The following SPTBN1 variants were observed in gnomAD, a reference collection of about 807,000 sequenced individuals.
SPTBN1 encodes the protein spectrin beta chain, non-erythrocytic 1.
A neutral mutation model predicts 266.4 loss-of-function variants in SPTBN1; 32 were observed. The observed-to-expected ratio is 0.12, with a 90% CI of 0.09 to 0.16. SPTBN1 has a LOEUF of 0.16. Among genes scored for constraint, SPTBN1 ranks in the 10% least tolerant of loss-of-function variants. The pLI is 1.00. For missense variants in SPTBN1, 2,296 were observed against 3,067.1 expected, an observed-to-expected ratio of 0.75 and a Z score of 5.94; for synonymous variants, 1,336 against 1,162.2, an observed-to-expected ratio of 1.15 and a Z score of -3.04.
At chr2:54,579,590 A>G (rs1022310176) in intron 2 of SPTBN1, among the ~76,000 whole-genome samples, 9 of 152,194 alleles carry the variant, frequency 5.9e-5, no homozygotes, top group African/African-American at 1.9e-4. Flanking sequence ...TTGGCATATT[A>G]AGGGAGCCCA....
At position 54,649,675 on chromosome 2, in the gene SPTBN1, G is replaced by T; in HGVS notation, c.5263G>T (p.Val1755Leu). ...CACCGGGAACATTGGGCAGGAGCGCGTGGACACGGTCAATCACCTGGCAGA... is the reference window on the plus strand; with the variant it reads ...CACCGGGAACATTGGGCAGGAGCGCTTGGACACGGTCAATCACCTGGCAGA... ...RDTGNIGQER[V>L]DTVNHLADEL... Residue 1755 changes from valine to leucine, a missense_variant, in exon 26 of 36, where the codon GTG (valine) becomes TTG (leucine). Physicochemically the swap from Val to Leu is conservative, Grantham distance 32 (BLOSUM62 1). Transcript: ENST00000356805. This position sits in a 1 kb window ranked among gnomAD's most constrained non-coding sequence, Gnocchi z 6.7. 2.5e-6 allele frequency: 4 copies of T among 1,613,984 alleles called. No homozygotes were observed. The highest frequency in any genetic ancestry group is 3.4e-6 in the Non-Finnish European group (4 of 1,179,876).
intron 1 of SPTBN1, among the ~76,000 whole-genome samples, chr2:54,482,635 T>C (rs1232559257): frequency 1.3e-5 from 2 of 152,230 alleles, no homozygotes; most frequent in Non-Finnish European, 2.9e-5. Flanking sequence ...TGAAACTTCA[T>C]TTCCTCAGTC....
chr2:54,636,275 TAAA>T (rs1231149038), intron 17 of SPTBN1, among the ~76,000 whole-genome samples: 3 of 152,198 alleles, frequency 2.0e-5, no homozygotes, highest in Non-Finnish European at 4.4e-5. Flanking sequence ...TTAAAAAAAT[TAAA>T]AAGGCATTAT....
At chr2:54,486,070 GC>G (rs1379435882) in intron 1 of SPTBN1, among the ~76,000 whole-genome samples, 6 of 150,780 alleles carry the variant, frequency 4.0e-5, no homozygotes, top group Admixed American at 6.6e-5. Flanking sequence ...CCTCTGCCCG[GC>G]CAGCCACCCT....
rs998109403 is a variant in SPTBN1, at chr2:54,626,980, C to A, written c.1644+746C>A. 6.6e-6 allele frequency among the ~76,000 whole-genome samples: 1 copy of A among 151,272 alleles called. No individual in the cohort carries two copies. Among genetic ancestry groups the A allele is most frequent in the African/African-American group, 2.4e-5 (1 of 41,364 alleles). On this transcript the variant is annotated intron_variant, in intron 12 of 35. Transcript: ENST00000356805. The surrounding 1 kb of genome is among the most constrained non-coding windows in gnomAD (Gnocchi z 4.7). The stretch of plus-strand genomic sequence containing the variant: ...TGCTCAGCCATGCCAAGCAGTTCTC[C>A]AGCTGGGAGGCCTTTAGCCTTGTAG...
intron 1 of SPTBN1, among the ~76,000 whole-genome samples, chr2:54,485,446 G>A (rs1668311477): frequency 2.0e-5 from 3 of 152,248 alleles, no homozygotes; most frequent in Non-Finnish European, 4.4e-5. Context: ...GCCAGCCTCG[G>A]CCTCCCAAGG....
chr2:54,467,385 A>G (rs1558750494), intron 1 of SPTBN1, among the ~76,000 whole-genome samples: 1 of 152,210 alleles, frequency 6.6e-6, no homozygotes, highest in African/African-American at 2.4e-5. Context: ...CTGTAAACAT[A>G]GGAGTACTTT....
At chr2:54,548,122 A>G in intron 2 of SPTBN1, among the ~76,000 whole-genome samples, 1 of 152,220 alleles carries the variant, frequency 6.6e-6, no homozygotes, top group Non-Finnish European at 1.5e-5. Context: ...CAGCCAGGGC[A>G]ACAGAGCGAG....
chr2:54,598,933 T>G (rs997906772), intron 2 of SPTBN1, among the ~76,000 whole-genome samples, 159 bp from the exon 3 acceptor site: 4 of 152,216 alleles, frequency 2.6e-5, no homozygotes, highest in Non-Finnish European at 4.4e-5. Flanking sequence ...GTGTTCTTTC[T>G]CAAAGACATG....
At chr2:54,478,631 T>A (rs918090768) in intron 1 of SPTBN1, among the ~76,000 whole-genome samples, 7 of 152,216 alleles carry the variant, frequency 4.6e-5, no homozygotes, top group Admixed American at 3.9e-4. Flanking sequence ...TTAACAGATA[T>A]GTGGAAGTAC....
chr2:54,652,127 G>C (rs1376995265), intron 26 of SPTBN1, among the ~76,000 whole-genome samples: 3 of 152,136 alleles, frequency 2.0e-5, no homozygotes, highest in Non-Finnish European at 2.9e-5. Context: ...ATCAGTACGT[G>C]ATGATTGTGT....
chr2:54,657,696 A>G, intron 29 of SPTBN1, 154 bp from the exon 30 acceptor site: 6 of 848,270 alleles, frequency 7.1e-6, no homozygotes, highest in South Asian at 3.6e-5. Flanking sequence ...TGTGGCTCAC[A>G]TTACATTTAC....
At chr2:54,576,915 A>G (rs144150330) in intron 2 of SPTBN1, among the ~76,000 whole-genome samples, 27 of 152,280 alleles carry the variant, frequency 1.8e-4, no homozygotes, top group Non-Finnish European at 3.2e-4. Flanking sequence ...AGGAATTGAC[A>G]TTGATTGCAA....
intron 1 of SPTBN1, among the ~76,000 whole-genome samples, chr2:54,488,413 C>T (rs1183314765): frequency 1.3e-5 from 2 of 152,194 alleles, no homozygotes; most frequent in African/African-American, 2.4e-5. Flanking sequence ...ATGTCTGACT[C>T]ATACTGTAGT....
At chr2:54,576,180 C>T (rs1674465200) in intron 2 of SPTBN1, among the ~76,000 whole-genome samples, 1 of 151,052 alleles carries the variant, frequency 6.6e-6, no homozygotes, top group African/African-American at 2.4e-5. Context: ...TCAGCCTCCC[C>T]AGTAGCTGGG....
chr2:54,661,966 T>G (rs959059145), intron 32 of SPTBN1: 1 of 985,320 alleles, frequency 1.0e-6, no homozygotes, highest in East Asian at 1.1e-4. Context: ...GAAAAAGTAT[T>G]TTTATTGTTT....
rs145093944 is a variant in SPTBN1, at chr2:54,500,478, T to G, written c.-47-25894T>G. Among the ~76,000 whole-genome samples, 280 of 152,302 alleles carry G rather than the reference T, an allele frequency of 1.8e-3. 4 individuals carry two copies. In the South Asian group the frequency reaches 0.028, roughly 15 times the overall value. ...TATTGGTATTTGAGGTTTCTAAAGTTTTTTGTTTAAGCTAGAAAGAGCTCT... is the reference window on the plus strand; with the variant it reads ...TATTGGTATTTGAGGTTTCTAAAGTGTTTTGTTTAAGCTAGAAAGAGCTCT... On this transcript the variant is annotated intron_variant, in intron 1 of 35. Transcript: ENST00000356805.
Position 54,629,265 on chromosome 2 carries a change from G to C in SPTBN1, c.2131G>C (p.Gly711Arg). ...AGACATGATCGCGGAGGAGCACTTC[G>C]GGTCGGAGAAGATCCGTGAGAGGAT... ...GEDMIAEEHF[G>R]SEKIRERIIY... Residue 711 changes from glycine (G) to arginine (R), a missense_variant, in exon 14 of 36, where the codon GGG becomes CGG. Coordinates refer to ENST00000356805, the MANE Select transcript of SPTBN1 (RefSeq NM_003128.3). 1.2e-6 allele frequency: 2 copies of C among 1,614,036 alleles called. No individual in the cohort carries two copies. The highest frequency in any genetic ancestry group is 1.7e-6 in the Non-Finnish European group (2 of 1,180,032).
chr2:54,551,752 G>GGA (rs1291578937), intron 2 of SPTBN1, among the ~76,000 whole-genome samples: 4 of 152,050 alleles, frequency 2.6e-5, no homozygotes, highest in African/African-American at 9.7e-5. Context: ...GTAAAGAGAG[G>GGA]GAGAAAGAAC....
Sources: allele counts gnomAD v4.1 joint callset (sites outside exome capture counted in the v4.1 genomes callset), GRCh38; gene constraint gnomAD v4.1.1; non-coding constraint Gnocchi (gnomAD v3.1); transcripts MANE v1.5; gene names NCBI Gene and HGNC (gene_info 2026-07-23, HGNC 2026-07-21).